Variants in ADAM19 observed in about 807,000 individuals in gnomAD.
ADAM19 encodes the protein ADAM metallopeptidase domain 19.
A neutral mutation model predicts 114.7 loss-of-function variants in ADAM19; 65 were observed. The observed-to-expected ratio is 0.57, with a 90% confidence interval of 0.46 to 0.70. The LOEUF (loss-of-function observed/expected upper bound fraction) is 0.70. Among genes scored for constraint, ADAM19 ranks in the 30% least tolerant of loss-of-function variants. The probability of loss-of-function intolerance (pLI) is 0.00; values close to 1 mark genes in which losing one functional copy is unlikely to be tolerated. For missense variants in ADAM19, 1,063 were observed against 1,204.7 expected, an observed-to-expected ratio of 0.88 and a Z score of 1.74; for synonymous variants, 466 against 460.5, an observed-to-expected ratio of 1.01 and a Z score of -0.15.
At chr5:157,527,638 C>T (rs1415985709) in intron 5 of ADAM19, among the ~76,000 whole-genome samples, 1 of 152,142 alleles carries the variant, frequency 6.6e-6, no homozygotes, top group East Asian at 1.9e-4. Flanking sequence ...ATGGGGATTG[C>T]AATTCGAGAT....
intron 7 of ADAM19, among the ~76,000 whole-genome samples, chr5:157,516,319 G>A (rs904790168): frequency 9.2e-5 from 14 of 152,164 alleles, no homozygotes; most frequent in African/African-American, 3.4e-4. Flanking sequence ...AGCCCTGTTG[G>A]GAACCCAGGG....
chr5:157,505,729 G>A lies in ADAM19; in HGVS notation c.1070C>T (p.Ser357Phe). 6.2e-7 allele frequency: 1 copy of A among 1,614,150 alleles called. No individual in the cohort carries two copies. The highest frequency in any genetic ancestry group is 2.2e-5 in the East Asian group (1 of 44,880). The change falls in exon 11 of 23, where the codon TCT becomes TTT. Residue 357 changes from serine to phenylalanine, a missense_variant. Around this residue, in one of 3 missense-constraint regions of ADAM19, gnomAD observed 615 missense variants for 706.3 expected, o/e 0.87. Coordinates refer to ENST00000257527, the MANE Select transcript of ADAM19 (RefSeq NM_033274.5). ...MGHNFGMTHD[S>F]ADCCSASAAD... ...CGCACTGGCCGAGCAGCAATCTGCA[G>A]AATCATGGGTCATGCCAAAGTTGTG...
chr5:157,480,584 G>A lies in ADAM19; in HGVS notation c.*365C>T. The A allele has an allele frequency of 1.8e-6, 2 of 1,088,316 alleles. No homozygotes were observed. The highest frequency in any genetic ancestry group is 2.2e-6 in the Non-Finnish European group (2 of 893,348). The allele number at this position is 1,088,316 out of a possible 1,614,324, so 67.4% of individuals were successfully genotyped here. On this transcript the variant is annotated 3_prime_UTR_variant, in exon 23 of 23. Transcript: ENST00000257527. ...CCCTGCACCCCAGGAGTGAATGGAT[G>A]GCTTCTGCAAGCGAAGTGCTGGCCT...
chr5:157,537,940 G>GT lies in ADAM19; in HGVS notation c.302dup (p.Asn101LysfsTer36). ...CCAATTTCCGTGTGGTGGTTTGAGG[G>GT]TTACCACTTGAAGTATAATGGGTTT... is the stretch of plus-strand genomic sequence containing the variant. On this transcript the variant is annotated frameshift_variant, in exon 4 of 23. Coordinates refer to ENST00000257527, the MANE Select transcript of ADAM19 (RefSeq NM_033274.5). LOFTEE classifies it high-confidence loss of function. 6.2e-7 allele frequency: 1 copy of GT among 1,614,052 alleles called. No individual in the cohort carries two copies. The highest frequency in any genetic ancestry group is 8.5e-7 in the Non-Finnish European group (1 of 1,180,000).
chr5:157,486,344 A>G lies in ADAM19; in HGVS notation c.2550+1921T>C, dbSNP rs138872282. Reference sequence around the variant, plus strand: ...CATCACAGCAGCCCCCACTCAGAGCAGCTGCCTCCCACTGTTCGCTTGTAG... The same window carrying G: ...CATCACAGCAGCCCCCACTCAGAGCGGCTGCCTCCCACTGTTCGCTTGTAG... On this transcript the variant is annotated intron_variant, in intron 21 of 22. Coordinates refer to ENST00000257527, the MANE Select transcript of ADAM19 (RefSeq NM_033274.5). Among the ~76,000 whole-genome samples the G allele has an allele frequency of 7.8e-3, 1,193 of 152,268 alleles. 10 individuals carry two copies. Among genetic ancestry groups the G allele is most frequent in the African/African-American group, 0.026 (1,096 of 41,552 alleles).
intron 7 of ADAM19, among the ~76,000 whole-genome samples, chr5:157,517,668 C>A (rs776955046): frequency 6.6e-6 from 1 of 152,148 alleles, no homozygotes; most frequent in Non-Finnish European, 1.5e-5. Context: ...GCAAACTCTG[C>A]GATGCCTGGG....
chr5:157,501,265 G>A (rs1407763506), intron 12 of ADAM19, among the ~76,000 whole-genome samples: 1 of 152,082 alleles, frequency 6.6e-6, no homozygotes, highest in African/African-American at 2.4e-5. Flanking sequence ...CCTCCTGCGT[G>A]CCTCACTAAC....
rs1026836286 is a variant in ADAM19 at position 157,505,659 on chromosome 5, T to G, written c.1130+10A>C. 1 of 1,613,590 alleles carries G rather than the reference T, an allele frequency of 6.2e-7. No homozygotes were observed. The highest frequency in any genetic ancestry group is 8.5e-7 in the Non-Finnish European group (1 of 1,179,692). On this transcript the variant is annotated intron_variant, in intron 11 of 22. Transcript: ENST00000257527. ...CTCCTCCCCATCCTCCCTCTTGCTG[T>G]TTGACTCACCCAGTGGCAGCTGCCA...
chr5:157,503,015 T>C (rs369308467), intron 11 of ADAM19, 35 bp from the exon 12 acceptor site: 18 of 1,596,612 alleles, frequency 1.1e-5, no homozygotes, highest in Non-Finnish European at 1.5e-5. Flanking sequence ...AGTGGGGAGT[T>C]TGAGCATCTA....
At chr5:157,518,985 TAC>T in intron 6 of ADAM19, 97 bp from the exon 7 acceptor site, 2 of 993,692 alleles carry the variant, frequency 2.0e-6, no homozygotes, top group Non-Finnish European at 3.2e-6. Context: ...AAGCAGCAGC[TAC>T]CTCCGTAATG....
intron 4 of ADAM19, among the ~76,000 whole-genome samples, chr5:157,534,404 G>T (rs1338715492): frequency 6.6e-6 from 1 of 152,174 alleles, no homozygotes; most frequent in Non-Finnish European, 1.5e-5. Flanking sequence ...GGAGGCAGAG[G>T]TTGCATTGAG....
chr5:157,541,784 G>T (rs77321335), intron 3 of ADAM19, among the ~76,000 whole-genome samples: 2,245 of 152,230 alleles, frequency 0.015, 48 homozygotes, highest in African/African-American at 0.051. Context: ...TGCCTCTCTA[G>T]GCTAAACCAC....
chr5:157,500,411 C>A (rs1429452713), intron 12 of ADAM19, among the ~76,000 whole-genome samples: 1 of 152,110 alleles, frequency 6.6e-6, no homozygotes, highest in Non-Finnish European at 1.5e-5. Context: ...TGTTTTTTTA[C>A]TTAATATAAC....
intron 22 of ADAM19, 22 bp from the exon 23 acceptor site, chr5:157,481,024 GGA>G (rs1429952047): frequency 1.9e-6 from 3 of 1,613,990 alleles, no homozygotes; most frequent in Non-Finnish European, 2.5e-6. Context: ...AAGAAGGGAG[GGA>G]GAGAGACATC....
intron 3 of ADAM19, among the ~76,000 whole-genome samples, chr5:157,539,389 C>T (rs1317419662): frequency 6.6e-6 from 1 of 152,098 alleles, no homozygotes. Flanking sequence ...GCAGGGATAA[C>T]CCAGGTTTTG....
chr5:157,510,228 A>G (rs1755874205), intron 8 of ADAM19, among the ~76,000 whole-genome samples: 3 of 152,138 alleles, frequency 2.0e-5, no homozygotes, highest in Admixed American at 6.5e-5. Flanking sequence ...TAATCCCAGC[A>G]CTCTGGGAGG....
At chr5:157,501,815 G>A (rs10476063) in intron 12 of ADAM19, among the ~76,000 whole-genome samples, 59,856 of 151,858 alleles carry the variant, frequency 0.39, 12,413 homozygotes, top group African/African-American at 0.52. Context: ...TTGGGAGGCC[G>A]AGGTGGGTGG....
intron 2 of ADAM19, among the ~76,000 whole-genome samples, chr5:157,567,439 T>C (rs760246826): frequency 5.3e-5 from 8 of 152,216 alleles, no homozygotes; most frequent in Non-Finnish European, 1.0e-4. Flanking sequence ...TATGGAGTTT[T>C]TGAGGCAGTG....
intron 21 of ADAM19, among the ~76,000 whole-genome samples, chr5:157,487,107 T>C (rs1451172758): frequency 2.0e-5 from 3 of 152,152 alleles, no homozygotes; most frequent in Non-Finnish European, 2.9e-5. Flanking sequence ...AGTGTCTGTT[T>C]TGAAGCCACC....
Sources: allele counts gnomAD v4.1 joint callset (sites outside exome capture counted in the v4.1 genomes callset), GRCh38; gene constraint gnomAD v4.1.1; regional missense constraint gnomAD v4.1.1; transcripts MANE v1.5; gene names NCBI Gene and HGNC (gene_info 2026-07-23, HGNC 2026-07-21).